Variants in CDC14A observed in about 807,000 individuals in gnomAD.
CDC14A encodes the protein dual specificity protein phosphatase CDC14A.
CDC14A carries 53 observed loss-of-function variants against 74.4 expected under a neutral mutation model. The observed-to-expected ratio is 0.71, with a 90% confidence interval of 0.57 to 0.89. CDC14A has a LOEUF of 0.89. Ranked by LOEUF, CDC14A falls within the 40% of genes least tolerant of loss-of-function variation. The pLI is 0.00. For missense variants in CDC14A, 646 were observed against 713.7 expected (o/e 0.91, Z 1.08); for synonymous variants, 247 against 258.4 (o/e 0.96, Z 0.43).
upstream of CDC14A, chr1:100,352,437 G>C (rs1651181204): frequency 9.9e-7 from 1 of 1,007,782 alleles, no homozygotes; most frequent in Non-Finnish European, 1.2e-6. Flanking sequence ...GGAAGGTCTG[G>C]GGGCGGACCC....
chr1:100,389,993 G>T (rs914951438), intron 3 of CDC14A, among the ~76,000 whole-genome samples: 1 of 152,108 alleles, frequency 6.6e-6, no homozygotes, highest in Non-Finnish European at 1.5e-5. Context: ...CATTTTACCA[G>T]ATCTTTTTGT....
intron 8 of CDC14A, among the ~76,000 whole-genome samples, chr1:100,459,424 C>A (rs918004505): frequency 1.7e-4 from 26 of 152,210 alleles, no homozygotes; most frequent in African/African-American, 5.8e-4. Context: ...ACATAATAGG[C>A]GTTTATTAGA....
At chr1:100,510,989 G>C (rs928729089) in intron 15 of CDC14A, among the ~76,000 whole-genome samples, 1 of 152,140 alleles carries the variant, frequency 6.6e-6, no homozygotes, top group Non-Finnish European at 1.5e-5. Context: ...CCTCTTCTCT[G>C]TCTCAAAGTT....
chr1:100,393,994 A>G, intron 4 of CDC14A: 1 of 259,568 alleles, frequency 3.9e-6, no homozygotes. Flanking sequence ...CATCCACCTC[A>G]ACCTCTCCAG....
At chr1:100,437,530 T>C (rs961282883) in intron 5 of CDC14A, among the ~76,000 whole-genome samples, 2 of 152,254 alleles carry the variant, frequency 1.3e-5, no homozygotes, top group Non-Finnish European at 2.9e-5. Context: ...ATTGCATTCC[T>C]TATTAGATTT....
intron 4 of CDC14A, among the ~76,000 whole-genome samples, chr1:100,398,459 T>G (rs565182348): frequency 2.6e-5 from 4 of 152,328 alleles, no homozygotes; most frequent in Non-Finnish European, 5.9e-5. Context: ...TATAATTCAC[T>G]GGAAGGTAGG....
chr1:100,510,116 A>G (rs761423747), intron 15 of CDC14A, among the ~76,000 whole-genome samples: 14 of 152,056 alleles, frequency 9.2e-5, no homozygotes, highest in South Asian at 2.1e-4. Context: ...TGTCCTCATC[A>G]CTGTTATCAC....
rs1323492847 is a variant in CDC14A at position 100,519,605 on chromosome 1, T to G, written c.*1325T>G. On this transcript the variant is annotated 3_prime_UTR_variant, in exon 16 of 16. Transcript: ENST00000336454. ...TTAGGGGAGGGTACCTTGAGTCTAT[T>G]ATATATGCTTCATCAAAACATCTTG... is the stretch of plus-strand genomic sequence containing the variant. 3 of 152,582 alleles carry G rather than the reference T, an allele frequency of 2.0e-5. No homozygotes were observed. Among genetic ancestry groups the G allele is most frequent in the Non-Finnish European group, 4.4e-5 (3 of 67,978 alleles). 9.5% of individuals were successfully genotyped at this position (152,582 alleles called of 1,614,324 possible).
intron 4 of CDC14A, among the ~76,000 whole-genome samples, chr1:100,417,729 G>T (rs1439476608): frequency 6.6e-6 from 1 of 152,006 alleles, no homozygotes; most frequent in East Asian, 1.9e-4. Context: ...CCCCTCTTTT[G>T]GGCATTCCCA....
chr1:100,392,029 A>G (rs898975331), intron 4 of CDC14A, among the ~76,000 whole-genome samples: 2 of 152,230 alleles, frequency 1.3e-5, no homozygotes, highest in Non-Finnish European at 2.9e-5. Flanking sequence ...CTCTGTGATG[A>G]TGCACTTTAT....
chr1:100,372,480 A>G (rs1654614830), intron 2 of CDC14A, among the ~76,000 whole-genome samples: 1 of 152,210 alleles, frequency 6.6e-6, no homozygotes, highest in African/African-American at 2.4e-5. Flanking sequence ...CATTTCAATA[A>G]TATTCACAGC....
Position 100,519,638 on chromosome 1 carries a change from TTTATG to T in CDC14A, c.*1361_*1365del, listed in dbSNP as rs1650527002. The stretch of plus-strand genomic sequence containing the variant: ...CTTCATCAAAACATCTTGTTCATGT[TTTATG>T]TTTTTAAAAAAGGCATTTGAATGAA... On this transcript the variant is annotated 3_prime_UTR_variant, in exon 16 of 16. Coordinates refer to ENST00000336454, the MANE Select transcript of CDC14A (RefSeq NM_003672.4). 1 of 152,684 alleles carries T rather than the reference TTTATG, an allele frequency of 6.5e-6. No homozygotes were observed. Among genetic ancestry groups the T allele is most frequent in the Admixed American group, 6.5e-5 (1 of 15,292 alleles). 9.5% of individuals were successfully genotyped at this position (152,684 alleles called of 1,614,324 possible). A position where few individuals can be genotyped will look rare whatever the true frequency, so the allele number is the denominator to read the frequency against.
chr1:100,495,082 C>T, intron 12 of CDC14A, 152 bp downstream of exon 12: 1 of 553,450 alleles, frequency 1.8e-6, no homozygotes, highest in South Asian at 2.6e-5. Flanking sequence ...TATTTTATCA[C>T]TGTTGGGAGT....
At chr1:100,476,612 GT>G (rs11411592) in intron 10 of CDC14A, among the ~76,000 whole-genome samples, 2 of 148,460 alleles carry the variant, frequency 1.3e-5, no homozygotes, top group African/African-American at 4.9e-5. Flanking sequence ...TCAGAGTCTT[GT>G]TTTTTTTTTT....
At chr1:100,475,790 C>T (rs939440760) in intron 10 of CDC14A, among the ~76,000 whole-genome samples, 3 of 152,262 alleles carry the variant, frequency 2.0e-5, no homozygotes, top group African/African-American at 4.8e-5. Flanking sequence ...GACACCACTC[C>T]AGCTGACAGA....
At chr1:100,507,072 AT>A (rs1649294701) in intron 15 of CDC14A, among the ~76,000 whole-genome samples, 1 of 152,262 alleles carries the variant, frequency 6.6e-6, no homozygotes, top group African/African-American at 2.4e-5. Context: ...GCTAATATTT[AT>A]GTAAGTGTCT....
intron 10 of CDC14A, among the ~76,000 whole-genome samples, chr1:100,477,554 C>T (rs539494067): frequency 4.5e-4 from 68 of 151,478 alleles, no homozygotes; most frequent in Non-Finnish European, 2.5e-4. Context: ...AAGGACTTAT[C>T]AAAAGAGGAT....
intron 4 of CDC14A, among the ~76,000 whole-genome samples, chr1:100,410,280 A>G (rs1660512909): frequency 6.6e-6 from 1 of 152,140 alleles, no homozygotes; most frequent in Non-Finnish European, 1.5e-5. Context: ...TTGAAATGTA[A>G]TGAAAATAGT....
At chr1:100,512,206 G>C (rs1057414836) in intron 15 of CDC14A, among the ~76,000 whole-genome samples, 1 of 151,976 alleles carries the variant, frequency 6.6e-6, no homozygotes, top group Non-Finnish European at 1.5e-5. Flanking sequence ...TCATATTATA[G>C]TCAGTTATAC....
Sources: gnomAD v4.1 joint callset for allele counts (sites outside exome capture counted in the v4.1 genomes callset) on GRCh38, gnomAD v4.1.1 for gene constraint, MANE v1.5 for transcripts, NCBI Gene and HGNC (gene_info 2026-07-23, HGNC 2026-07-21) for gene names.